The following NRXN1 variants were observed in gnomAD, a reference collection of about 807,000 sequenced individuals.
The protein encoded by NRXN1 is neurexin 1, also known as neurexin-1.
NRXN1 carries 39 observed loss-of-function variants against 150.9 expected under a neutral mutation model. That is an observed-to-expected ratio of 0.26 (90% confidence interval 0.20 to 0.34). The LOEUF (loss-of-function observed/expected upper bound fraction) is 0.34, where lower values mean the gene tolerates loss of function less well. Ranked by LOEUF, NRXN1 falls within the 10% of genes least tolerant of loss-of-function variation. The pLI, the probability that NRXN1 is intolerant of heterozygous loss-of-function variation, is 1.00. For synonymous variants in NRXN1, 924 were observed against 757.0 expected (o/e 1.22, Z -3.62); for missense variants, 1,815 against 1,949.9 (o/e 0.93, Z 1.30).
At chr2:50,514,638 T>G (rs896917696) in intron 12 of NRXN1, among the ~76,000 whole-genome samples, 6 of 152,176 alleles carry the variant, frequency 3.9e-5, no homozygotes, top group Admixed American at 3.9e-4. Context: ...AACTTTACTA[T>G]TGCAATGTAA....
chr2:50,247,399 A>G (rs1005043908), intron 17 of NRXN1, among the ~76,000 whole-genome samples: 2 of 152,068 alleles, frequency 1.3e-5, no homozygotes, highest in Non-Finnish European at 2.9e-5. Context: ...ATTTATTAAT[A>G]CTCAGAGAAA....
chr2:50,816,976 C>T (rs1669024497), intron 5 of NRXN1, among the ~76,000 whole-genome samples: 1 of 151,870 alleles, frequency 6.6e-6, no homozygotes, highest in Non-Finnish European at 1.5e-5. Context: ...GTTAGGAGGA[C>T]TCTCAGGCTA....
intron 17 of NRXN1, among the ~76,000 whole-genome samples, chr2:50,254,159 A>G (rs78071942): frequency 6.6e-6 from 1 of 151,974 alleles, no homozygotes; most frequent in Non-Finnish European, 1.5e-5. Flanking sequence ...GTATGTGTCC[A>G]GGAATTTATC....
intron 2 of NRXN1, among the ~76,000 whole-genome samples, chr2:50,991,889 C>T (rs757885957): frequency 7.9e-5 from 12 of 152,024 alleles, no homozygotes; most frequent in African/African-American, 1.7e-4. Flanking sequence ...AATGCTTCCC[C>T]ATGTGGCAAC....
intron 18 of NRXN1, among the ~76,000 whole-genome samples, chr2:50,188,751 C>G (rs1175266410): frequency 6.6e-6 from 1 of 151,994 alleles, no homozygotes; most frequent in African/African-American, 2.4e-5. Flanking sequence ...ATGTGGCCAA[C>G]AAACATATTT....
At chr2:50,181,251 C>A (rs1245288439) in intron 18 of NRXN1, among the ~76,000 whole-genome samples, 2 of 142,990 alleles carry the variant, frequency 1.4e-5, no homozygotes. Context: ...TTAAAAAAAA[C>A]CTATGTATTG....
chr2:50,914,946 C>G (rs933160612), intron 5 of NRXN1, among the ~76,000 whole-genome samples: 7 of 151,404 alleles, frequency 4.6e-5, no homozygotes, highest in African/African-American at 1.5e-4. Flanking sequence ...TCTGCCTTCA[C>G]CAGATTCCTT....
At chr2:50,143,072 T>G (rs1707502229) in intron 18 of NRXN1, among the ~76,000 whole-genome samples, 1 of 151,430 alleles carries the variant, frequency 6.6e-6, no homozygotes, top group African/African-American at 2.4e-5. Context: ...CAATGTTAGG[T>G]TGAGAACTAA....
At chr2:50,449,665 T>C (rs2086777622) in intron 17 of NRXN1, among the ~76,000 whole-genome samples, 1 of 152,178 alleles carries the variant, frequency 6.6e-6, no homozygotes, top group African/African-American at 2.4e-5. Context: ...GCAGGTTTGT[T>C]ACATGGGTAT....
intron 17 of NRXN1, among the ~76,000 whole-genome samples, chr2:50,374,405 T>C (rs1047970941): frequency 6.6e-6 from 1 of 152,038 alleles, no homozygotes; most frequent in Non-Finnish European, 1.5e-5. Context: ...GTGTGACTGA[T>C]AAAATCTGAG....
intron 17 of NRXN1, among the ~76,000 whole-genome samples, chr2:50,339,696 T>C (rs1045095168): frequency 3.9e-5 from 6 of 152,166 alleles, no homozygotes; most frequent in Non-Finnish European, 8.8e-5. Flanking sequence ...ACATTCCTTA[T>C]CACTACCTGA....
chr2:50,602,004 G>A (rs1676357931), intron 8 of NRXN1, among the ~76,000 whole-genome samples: 1 of 152,108 alleles, frequency 6.6e-6, no homozygotes, highest in Admixed American at 6.6e-5. Flanking sequence ...ATAAGACCCA[G>A]TTATGAGTTG....
chr2:50,674,406 A>T (rs1247738782), intron 5 of NRXN1, among the ~76,000 whole-genome samples: 1 of 152,132 alleles, frequency 6.6e-6, no homozygotes, highest in Non-Finnish European at 1.5e-5. Flanking sequence ...GGCAGAAACC[A>T]AATCAAGGAG....
chr2:50,818,189 A>ATTTT (rs1429245907), intron 5 of NRXN1, among the ~76,000 whole-genome samples: 3 of 140,768 alleles, frequency 2.1e-5, no homozygotes, highest in Admixed American at 1.4e-4. Flanking sequence ...TACAAAAACA[A>ATTTT]TTGTTTTTTT....
chr2:50,470,843 A>T (rs533266296), intron 16 of NRXN1, among the ~76,000 whole-genome samples: 3 of 151,952 alleles, frequency 2.0e-5, no homozygotes, highest in African/African-American at 7.2e-5. Context: ...TGAAAGTGGC[A>T]ATCAAAAAGT....
intron 21 of NRXN1, among the ~76,000 whole-genome samples, chr2:49,963,610 A>T (rs1676392216): frequency 6.6e-6 from 1 of 152,208 alleles, no homozygotes; most frequent in Admixed American, 6.5e-5. Context: ...GCTTAAAAGA[A>T]GCAAAAGACT....
At chr2:49,936,024 A>G (rs188332429) in intron 22 of NRXN1, among the ~76,000 whole-genome samples, 2 of 152,276 alleles carry the variant, frequency 1.3e-5, no homozygotes, top group Admixed American at 6.5e-5. Context: ...AAAAATTGTG[A>G]TGTGAAACCG....
chr2:50,172,248 C>G (rs944022184), intron 18 of NRXN1, among the ~76,000 whole-genome samples: 1 of 152,066 alleles, frequency 6.6e-6, no homozygotes, highest in Non-Finnish European at 1.5e-5. Context: ...TATATTTGAA[C>G]TTTCACTATT....
chr2:50,016,990 G>T (rs10181439), intron 21 of NRXN1, among the ~76,000 whole-genome samples: 46,406 of 151,940 alleles, frequency 0.31, 7,971 homozygotes, highest in African/African-American at 0.45. Flanking sequence ...CATCCATCCT[G>T]CCACCTCACA....
Sources: gnomAD v4.1 joint callset for allele counts (sites outside exome capture counted in the v4.1 genomes callset) on GRCh38, gnomAD v4.1.1 for gene constraint, MANE v1.5 for transcripts, NCBI Gene and HGNC (gene_info 2026-07-23, HGNC 2026-07-21) for gene names.